The following SERPINB8 variants were observed in gnomAD, a reference collection of about 807,000 sequenced individuals.
The protein encoded by SERPINB8 is serpin family B member 8.
Under a neutral mutation model 35.3 loss-of-function variants are expected in SERPINB8, and 25 were observed. The ratio of observed to expected loss-of-function variants is 0.71; its 90% CI spans 0.52 to 0.99. SERPINB8 has a LOEUF of 0.99. SERPINB8 is among the 50% of genes least tolerant of loss of function. The probability of loss-of-function intolerance (pLI) is 0.00; values close to 1 mark genes in which losing one functional copy is unlikely to be tolerated. For missense variants in SERPINB8, 484 were observed against 446.5 expected, an observed-to-expected ratio of 1.08 and a Z score of -0.76; for synonymous variants, 186 against 160.8, an observed-to-expected ratio of 1.16 and a Z score of -1.19.
At chr18:63,983,480 T>G in intron 4 of SERPINB8, 99 bp from the exon 5 acceptor site, 1 of 1,139,504 alleles carries the variant, frequency 8.8e-7, no homozygotes. Context: ...AACTCCAGCC[T>G]GTCTCTCAAC....
chr18:63,975,445 T>C (rs1165992152), intron 1 of SERPINB8, among the ~76,000 whole-genome samples: 1 of 152,186 alleles, frequency 6.6e-6, no homozygotes, highest in Non-Finnish European at 1.5e-5. Flanking sequence ...GGAGAGGTCT[T>C]ATGATGTGAG....
rs975346230 is a variant in SERPINB8 at position 63,985,222 on chromosome 18, G to A, written c.697G>A (p.Asp233Asn). The change falls in exon 6 of 7, where the codon GAT becomes AAT. Residue 233 changes from aspartate (D) to asparagine (N), a missense_variant. Transcript: ENST00000397985. ...EELSMVILLP[D>N]DNTDLAVVEK... is the part of the protein sequence containing the mutation. ...GCTGAGCATGGTCATTCTGCTTCCC[G>A]ATGACAACACGGACCTCGCCGTGGT... 8.1e-6 allele frequency: 13 copies of A among 1,614,014 alleles called. No homozygotes were observed. The highest frequency in any genetic ancestry group is 4.5e-5 in the East Asian group (2 of 44,884).
intron 1 of SERPINB8, among the ~76,000 whole-genome samples, chr18:63,998,203 G>T (rs538826533): frequency 2.0e-5 from 3 of 152,296 alleles, no homozygotes; most frequent in African/African-American, 7.2e-5. Context: ...AGAGCATTCT[G>T]CTGGATCCTA....
chr18:64,010,903 C>A (rs1008423438), intron 7 of SERPINB8, among the ~76,000 whole-genome samples: 2 of 151,626 alleles, frequency 1.3e-5, no homozygotes, highest in Non-Finnish European at 2.9e-5. Flanking sequence ...GTTTCTTAAG[C>A]TGGGTAGTGG....
chr18:63,984,879 TG>T (rs1281222694), intron 5 of SERPINB8, among the ~76,000 whole-genome samples: 3 of 103,692 alleles, frequency 2.9e-5, no homozygotes, highest in East Asian at 5.3e-4. Context: ...TTTACCAAAC[TG>T]TTTTTTTTTT....
chr18:63,970,189 T>C lies in SERPINB8; in HGVS notation c.-11+19T>C, dbSNP rs2050441865. ...GCAGGAGGTGGGGGCCTCTGCCAGGTACCGGGCGGGGCAGGCACGGAGGTG... is the reference window on the plus strand; with the variant it reads ...GCAGGAGGTGGGGGCCTCTGCCAGGCACCGGGCGGGGCAGGCACGGAGGTG... On this transcript the variant is annotated intron_variant, in intron 1 of 6. Coordinates refer to ENST00000397985, the MANE Select transcript of SERPINB8 (RefSeq NM_002640.4). The C allele has an allele frequency of 6.3e-6, 2 of 318,310 alleles. No homozygotes were observed. Among genetic ancestry groups the C allele is most frequent in the Non-Finnish European group, 6.1e-6 (1 of 163,330 alleles). The allele number at this position is 318,310 out of a possible 1,614,324, so 19.7% of individuals were successfully genotyped here.
At chr18:64,011,680 G>A (rs771490338) in intron 7 of SERPINB8, among the ~76,000 whole-genome samples, 38 of 152,074 alleles carry the variant, frequency 2.5e-4, no homozygotes, top group Non-Finnish European at 5.3e-4. Context: ...ATTTGAAGTC[G>A]AAAATTTATT....
At chr18:64,003,684 C>G (rs1290981817) in intron 1 of SERPINB8, among the ~76,000 whole-genome samples, 1 of 152,086 alleles carries the variant, frequency 6.6e-6, no homozygotes, top group African/African-American at 2.4e-5. Flanking sequence ...GGCCTGAGAA[C>G]CTGGAGAGCT....
At chr18:63,990,183 C>G (rs978134113), downstream of SERPINB8, among the ~76,000 whole-genome samples, 1 of 147,886 alleles carries the variant, frequency 6.8e-6, no homozygotes, top group Non-Finnish European at 1.5e-5. Context: ...TCAAGCAATT[C>G]TCGTGCCTCA....
downstream of SERPINB8, among the ~76,000 whole-genome samples, chr18:64,007,357 C>T (rs1344707993): frequency 6.6e-6 from 1 of 152,134 alleles, no homozygotes; most frequent in East Asian, 1.9e-4. Context: ...AGAGAAAACA[C>T]CAGTTTCAGA....
intron 1 of SERPINB8, among the ~76,000 whole-genome samples, chr18:64,003,885 A>G (rs908629665): frequency 1.1e-4 from 17 of 152,340 alleles, no homozygotes; most frequent in African/African-American, 3.8e-4. Context: ...AGTCTCACCC[A>G]GAAACACCCT....
chr18:63,979,804 C>A lies in SERPINB8; in HGVS notation c.172C>A (p.Leu58Ile). The change falls in exon 3 of 7, where the codon CTT becomes ATT. Residue 58 changes from leucine (L) to isoleucine (I), a missense_variant. Physicochemically the swap from Leu to Ile is conservative, Grantham distance 5. Coordinates refer to ENST00000397985, the MANE Select transcript of SERPINB8 (RefSeq NM_002640.4). ...CAGTGTTGGTTTCTGTTCCCAGGCA[C>A]TTTGTTTATACAAAGACGGAGATAT... ...GSTAAQMSQA[L>I]CLYKDGDIHR... 6.2e-7 allele frequency: 1 copy of A among 1,614,064 alleles called. No homozygotes were observed. Among genetic ancestry groups the A allele is most frequent in the Non-Finnish European group, 8.5e-7 (1 of 1,179,962 alleles).
chr18:63,972,016 T>C lies in SERPINB8; in HGVS notation c.-11+1846T>C, dbSNP rs528273411. Reference sequence around the variant, plus strand: ...CTTTTTTCTTTTTTTTTTTGATATGTGGTTTTAATAAGTTTCATTACCTAT... The same window carrying C: ...CTTTTTTCTTTTTTTTTTTGATATGCGGTTTTAATAAGTTTCATTACCTAT... On this transcript the variant is annotated intron_variant, in intron 1 of 6. Transcript: ENST00000397985. Among the ~76,000 whole-genome samples the C allele has an allele frequency of 1.3e-3, 203 of 152,000 alleles. 1 individual carries two copies. The highest frequency in any genetic ancestry group is 2.3e-3 in the Non-Finnish European group (158 of 67,976).
downstream of SERPINB8, among the ~76,000 whole-genome samples, chr18:63,992,278 T>C (rs1182527520): frequency 6.6e-6 from 1 of 152,244 alleles, no homozygotes; most frequent in Non-Finnish European, 1.5e-5. Context: ...CAACTCTATT[T>C]TCATTAATAG....
chr18:63,979,692 T>A, intron 2 of SERPINB8, 109 bp from the exon 3 acceptor site: 3 of 1,369,030 alleles, frequency 2.2e-6, no homozygotes, highest in Non-Finnish European at 3.0e-6. Flanking sequence ...CCAAACCTTT[T>A]TAAAGTAGGA....
rs1442988105 is a variant in SERPINB8, at chr18:63,984,384, C to G, written c.567+663C>G. ...TACCTTTTTGCAATATCAGTGGCAACTATGCCTATTTATTGCCTTAAAAGT... is the reference window on the plus strand; with the variant it reads ...TACCTTTTTGCAATATCAGTGGCAAGTATGCCTATTTATTGCCTTAAAAGT... On this transcript the variant is annotated intron_variant, in intron 5 of 6. Transcript: ENST00000397985. Among the ~76,000 whole-genome samples the G allele has an allele frequency of 2.6e-5, 4 of 152,176 alleles. No homozygotes were observed. In the East Asian group the frequency reaches 7.7e-4, roughly 29 times the overall value.
At chr18:64,007,200 A>G (rs577170275), downstream of SERPINB8, among the ~76,000 whole-genome samples, 92 of 152,248 alleles carry the variant, frequency 6.0e-4, no homozygotes, top group African/African-American at 2.1e-3. Flanking sequence ...AAACAACTTT[A>G]TGTCAATATA....
At chr18:64,009,231 T>C (rs2050914708), downstream of SERPINB8, among the ~76,000 whole-genome samples, 1 of 152,214 alleles carries the variant, frequency 6.6e-6, no homozygotes, top group South Asian at 2.1e-4. Flanking sequence ...ATGTCATTCA[T>C]AGAAAGACCT....
chr18:63,986,268 G>A (rs1253572370), intron 6 of SERPINB8: 2 of 1,609,762 alleles, frequency 1.2e-6, no homozygotes, highest in African/African-American at 1.3e-5. Flanking sequence ...AAAGAGTGAT[G>A]GATCTTGAAG....
Sources: gnomAD v4.1 joint callset for allele counts (sites outside exome capture counted in the v4.1 genomes callset) on GRCh38, gnomAD v4.1.1 for gene constraint, MANE v1.5 for transcripts, NCBI Gene and HGNC (gene_info 2026-07-23, HGNC 2026-07-21) for gene names.